Variants in MRPL13 observed in about 807,000 individuals in gnomAD.
MRPL13 encodes the protein mitochondrial ribosomal protein L13.
MRPL13 carries 33 observed loss-of-function variants against 29.0 expected under a neutral mutation model. The ratio of observed to expected loss-of-function variants is 1.14; its 90% CI spans 0.86 to 1.52. The LOEUF is 1.52. MRPL13 is among the 40% of genes most tolerant of loss of function. MRPL13 has a pLI of 0.00. For missense variants in MRPL13, 227 were observed against 216.7 expected, an observed-to-expected ratio of 1.05 and a Z score of -0.30; for synonymous variants, 77 against 68.4, an observed-to-expected ratio of 1.13 and a Z score of -0.62.
intron 2 of MRPL13, among the ~76,000 whole-genome samples, chr8:120,439,831 C>T (rs1403209126): frequency 6.6e-6 from 1 of 152,144 alleles, no homozygotes; most frequent in Non-Finnish European, 1.5e-5. Flanking sequence ...ACAGAAAATC[C>T]TTGCTCTTGC....
At chr8:120,408,114 C>T (rs563728049) in intron 6 of MRPL13, among the ~76,000 whole-genome samples, 121 of 152,222 alleles carry the variant, frequency 7.9e-4, no homozygotes, top group African/African-American at 2.6e-3. Context: ...CATCCTGATC[C>T]GAAAAAGCTC....
At chr8:120,427,640 A>G (rs1676039048) in intron 3 of MRPL13, among the ~76,000 whole-genome samples, 1 of 152,078 alleles carries the variant, frequency 6.6e-6, no homozygotes, top group Non-Finnish European at 1.5e-5. Context: ...AGATCTCTAT[A>G]ATGAGAACTA....
chr8:120,437,770 T>C (rs965928192), intron 2 of MRPL13, among the ~76,000 whole-genome samples: 3 of 152,296 alleles, frequency 2.0e-5, no homozygotes, highest in African/African-American at 7.2e-5. Flanking sequence ...AGTTCAAATA[T>C]TGTATACATT....
chr8:120,403,910 T>G (rs1812634820), intron 6 of MRPL13, among the ~76,000 whole-genome samples: 1 of 152,182 alleles, frequency 6.6e-6, no homozygotes, highest in Admixed American at 6.5e-5. Flanking sequence ...GGCACTGATC[T>G]GGGAAACTAG....
intron 4 of MRPL13, among the ~76,000 whole-genome samples, chr8:120,424,195 C>A (rs1227774548): frequency 6.6e-6 from 1 of 152,034 alleles, no homozygotes; most frequent in Non-Finnish European, 1.5e-5. Context: ...AGGTAAAAAG[C>A]ATTATTGGAG....
At chr8:120,417,366 A>T (rs1812816113) in intron 5 of MRPL13, among the ~76,000 whole-genome samples, 1 of 152,142 alleles carries the variant, frequency 6.6e-6, no homozygotes, top group South Asian at 2.1e-4. Context: ...GTATTGTGGT[A>T]TTTGGAAACT....
At chr8:120,441,025 G>GTA (rs1316535486) in intron 2 of MRPL13, among the ~76,000 whole-genome samples, 15 of 151,766 alleles carry the variant, frequency 9.9e-5, no homozygotes, top group African/African-American at 4.8e-5. Context: ...GTGTGTGAGT[G>GTA]TATATATATA....
intron 2 of MRPL13, among the ~76,000 whole-genome samples, chr8:120,440,898 T>C (rs1307788789): frequency 6.6e-6 from 1 of 151,956 alleles, no homozygotes; most frequent in Non-Finnish European, 1.5e-5. Context: ...AGGCAGTTTT[T>C]GGAATAAAAC....
At chr8:120,408,626 G>T (rs1186838692) in intron 6 of MRPL13, among the ~76,000 whole-genome samples, 2 of 152,184 alleles carry the variant, frequency 1.3e-5, no homozygotes, top group East Asian at 3.9e-4. Flanking sequence ...AATGCCACAT[G>T]ACTAGACTAG....
At position 120,439,169 on chromosome 8, in the gene MRPL13, G is replaced by T. The variant is rs376765404; in HGVS notation, c.151+4016C>A. On this transcript the variant is annotated intron_variant, in intron 2 of 6. Coordinates refer to ENST00000306185, the MANE Select transcript of MRPL13 (RefSeq NM_014078.6). The stretch of plus-strand genomic sequence containing the variant: ...ATGTTCCCAGCTGAGGCTGAACAAG[G>T]TGATGCTCTGCCTTCTTTCACCTTT... Among the ~76,000 whole-genome samples the T allele has an allele frequency of 8.0e-4, 122 of 152,330 alleles. 1 individual carries two copies. The highest frequency in any genetic ancestry group is 2.8e-3 in the African/African-American group (116 of 41,572).
chr8:120,443,528 A>G (rs1185771056), intron 1 of MRPL13, among the ~76,000 whole-genome samples: 2 of 152,010 alleles, frequency 1.3e-5, no homozygotes, highest in Non-Finnish European at 2.9e-5. Context: ...AGACAAACAC[A>G]GTAATTATTC....
At chr8:120,419,706 A>G (rs1812845530) in intron 5 of MRPL13, 146 bp downstream of exon 5, 1 of 469,524 alleles carries the variant, frequency 2.1e-6, no homozygotes, top group African/African-American at 2.0e-5. Flanking sequence ...TTTTTTATAC[A>G]TACATATTCA....
chr8:120,437,171 G>C (rs1813064122), intron 2 of MRPL13, among the ~76,000 whole-genome samples: 1 of 152,146 alleles, frequency 6.6e-6, no homozygotes, highest in Admixed American at 6.5e-5. Flanking sequence ...AAATTAAAAT[G>C]CTGTGATATT....
intron 2 of MRPL13, among the ~76,000 whole-genome samples, chr8:120,432,553 G>A (rs1813007291): frequency 6.6e-6 from 1 of 151,956 alleles, no homozygotes; most frequent in African/African-American, 2.4e-5. Flanking sequence ...AAAAAAGTAT[G>A]TTTTACCTAC....
intron 2 of MRPL13, among the ~76,000 whole-genome samples, chr8:120,437,900 T>C (rs1813073815): frequency 6.6e-6 from 1 of 152,216 alleles, no homozygotes; most frequent in Admixed American, 6.5e-5. Context: ...TTTATAGTGA[T>C]TATAAGCCCA....
At chr8:120,444,984 G>T (rs1392570678) in intron 1 of MRPL13, 84 bp downstream of exon 1, 10 of 1,588,490 alleles carry the variant, frequency 6.3e-6, no homozygotes, top group Non-Finnish European at 8.6e-6. Context: ...TGCCGCCCCA[G>T]CTTCACTACT....
intron 2 of MRPL13, among the ~76,000 whole-genome samples, chr8:120,435,690 C>G (rs1813046505): frequency 6.6e-6 from 1 of 151,828 alleles, no homozygotes; most frequent in African/African-American, 2.4e-5. Flanking sequence ...TAAGTTCTTT[C>G]AGAAATCACC....
intron 3 of MRPL13, among the ~76,000 whole-genome samples, chr8:120,428,705 G>C (rs990184509): frequency 6.6e-6 from 1 of 151,872 alleles, no homozygotes; most frequent in Non-Finnish European, 1.5e-5. Flanking sequence ...AAAAGAAGAC[G>C]TACATATGGC....
At chr8:120,408,524 G>A (rs1364786352) in intron 6 of MRPL13, among the ~76,000 whole-genome samples, 1 of 152,140 alleles carries the variant, frequency 6.6e-6, no homozygotes, top group Non-Finnish European at 1.5e-5. Flanking sequence ...GTTGAAATAG[G>A]TAGGAAAGTT....
Sources: allele counts gnomAD v4.1 joint callset (sites outside exome capture counted in the v4.1 genomes callset), GRCh38; gene constraint gnomAD v4.1.1; transcripts MANE v1.5; gene names NCBI Gene and HGNC (gene_info 2026-07-23, HGNC 2026-07-21).